The following DMD variants were observed in gnomAD, a reference collection of about 807,000 sequenced individuals.
DMD encodes the protein dystrophin, also known as mutant dystrophin.
DMD carries 63 observed loss-of-function variants against 330.1 expected under a neutral mutation model. The observed-to-expected ratio is 0.19, with a 90% CI of 0.16 to 0.24. The LOEUF is 0.24. Among genes scored for constraint, DMD ranks in the 10% least tolerant of loss-of-function variants. The probability of loss-of-function intolerance (pLI) is 1.00; values close to 1 mark genes in which losing one functional copy is unlikely to be tolerated. For synonymous variants in DMD, 1,223 were observed against 959.8 expected, an observed-to-expected ratio of 1.27 and a Z score of -5.07; for missense variants, 3,344 against 2,684.1, an observed-to-expected ratio of 1.25 and a Z score of -5.43.
At chrX:31,871,737 G>A (rs1459700152) in intron 48 of DMD, among the ~76,000 whole-genome samples, 2 of 108,903 alleles carry the variant, frequency 1.8e-5, no homozygotes, top group African/African-American at 6.7e-5. Flanking sequence ...TAAAAAAAAG[G>A]GCATGTGCTC....
intron 1 of DMD, among the ~76,000 whole-genome samples, chrX:33,088,787 TTAAC>T (rs2095045033): frequency 8.9e-6 from 1 of 112,345 alleles, no homozygotes; most frequent in Admixed American, 9.5e-5. Context: ...GGCTTGGAAA[TTAAC>T]TGTTTAATTT....
intron 59 of DMD, among the ~76,000 whole-genome samples, chrX:31,466,796 T>C (rs1055877537): frequency 1.8e-5 from 2 of 111,944 alleles, no homozygotes; most frequent in African/African-American, 6.5e-5. Flanking sequence ...TCCATGAGCA[T>C]GGAATGTTCT....
In DMD at chrX:32,232,057, TGAAATTATGCCAGATTAGCATTTCAACTA is replaced by T. The variant is rs1193078808; in HGVS notation, c.6291-15023_6291-14995del. ...AGTGGCATTAACAGAAAATTAGTTC[TGAAATTATGCCAGATTAGCATTTCAACTA>T]GAAATTATGCCAGATTAGCATTTCA... On this transcript the variant is annotated intron_variant, in intron 43 of 78. Transcript: ENST00000357033. Among the ~76,000 whole-genome samples the T allele has an allele frequency of 1.2e-4, 13 of 110,457 alleles. No individual in the cohort carries two copies. The East Asian group carries it at 2.8e-3, about 24-fold the overall frequency.
chrX:32,118,953 A>G (rs2096622975), intron 44 of DMD, among the ~76,000 whole-genome samples: 2 of 111,201 alleles, frequency 1.8e-5, no homozygotes, highest in Non-Finnish European at 3.8e-5. Context: ...GAGCTGATAG[A>G]AGGTGGAGCT....
intron 50 of DMD, among the ~76,000 whole-genome samples, chrX:31,792,644 G>A (rs1226786444): frequency 8.9e-6 from 1 of 111,961 alleles, no homozygotes; most frequent in Non-Finnish European, 1.9e-5. Context: ...CGCAACAGGG[G>A]TGCCTTATTT....
intron 53 of DMD, among the ~76,000 whole-genome samples, chrX:31,664,529 CTTT>C (rs57706460): frequency 4.7e-5 from 3 of 63,786 alleles, no homozygotes; most frequent in Non-Finnish European, 2.8e-5. Flanking sequence ...AGTGTTCAAG[CTTT>C]TTTTTTTTTT....
rs190212170 is a variant in DMD, at chrX:32,650,632, G to T, written c.961-5480C>A. 7.1e-5 allele frequency among the ~76,000 whole-genome samples: 8 copies of T among 111,956 alleles called. No homozygotes were observed. In the East Asian group the frequency reaches 1.7e-3, roughly 24 times the overall value. On this transcript the variant is annotated intron_variant, in intron 9 of 78. Coordinates refer to ENST00000357033, the MANE Select transcript of DMD (RefSeq NM_004006.3). ...AAAGCATAAAAATGATTACTGAAGT[G>T]ATTTATGAGAAATTAATCCATCATG...
At chrX:32,472,334 G>C (rs367764068) in intron 21 of DMD, 25 bp from the exon 22 acceptor site, 1 of 1,203,019 alleles carries the variant, frequency 8.3e-7, no homozygotes, top group East Asian at 3.0e-5. Context: ...AAAAAAGAAT[G>C]AGAATCACTT....
At chrX:33,137,363 T>C (rs907692662) in intron 1 of DMD, among the ~76,000 whole-genome samples, 5 of 111,633 alleles carry the variant, frequency 4.5e-5, no homozygotes, top group Non-Finnish European at 9.4e-5. Flanking sequence ...GGGGGGAGGA[T>C]AACGGGAGAA....
chrX:32,188,750 C>G (rs1446334592), intron 44 of DMD, among the ~76,000 whole-genome samples: 2 of 109,821 alleles, frequency 1.8e-5, no homozygotes, highest in Non-Finnish European at 3.8e-5. Flanking sequence ...TACACGCACA[C>G]AATTTCCTTC....
intron 60 of DMD, among the ~76,000 whole-genome samples, chrX:31,420,895 T>C (rs1481055754): frequency 8.9e-6 from 1 of 112,401 alleles, no homozygotes; most frequent in African/African-American, 3.2e-5. Flanking sequence ...AAGAGTCCTG[T>C]CTGGCTGCAG....
intron 20 of DMD, among the ~76,000 whole-genome samples, chrX:32,485,387 A>G (rs2042320318): frequency 9.0e-6 from 1 of 110,933 alleles, no homozygotes. Context: ...GAAAAATACT[A>G]TGCATGACCT....
intron 55 of DMD, among the ~76,000 whole-genome samples, chrX:31,561,466 C>A (rs918226073): frequency 4.5e-5 from 5 of 112,034 alleles, no homozygotes; most frequent in African/African-American, 1.6e-4. Context: ...CACCACCCTT[C>A]CATCCCCAGG....
chrX:32,845,550 C>T (rs780726415), intron 3 of DMD, among the ~76,000 whole-genome samples: 40 of 111,542 alleles, frequency 3.6e-4, no homozygotes, highest in Non-Finnish European at 7.0e-4. Flanking sequence ...AGCTATTGCC[C>T]AGAGAAATCT....
At chrX:33,185,621 C>G (rs760208411) in intron 1 of DMD, among the ~76,000 whole-genome samples, 1 of 111,286 alleles carries the variant, frequency 9.0e-6, no homozygotes, top group African/African-American at 3.3e-5. Context: ...AGTCCTCCCC[C>G]ACAAAAACTT....
intron 2 of DMD, among the ~76,000 whole-genome samples, chrX:32,854,430 T>G (rs1409326596): frequency 9.0e-6 from 1 of 111,243 alleles, no homozygotes; most frequent in Non-Finnish European, 1.9e-5. Flanking sequence ...TATATTCTCT[T>G]GAATGATCAG....
intron 55 of DMD, among the ~76,000 whole-genome samples, chrX:31,621,364 T>A (rs1273211549): frequency 1.8e-5 from 2 of 112,338 alleles, no homozygotes; most frequent in South Asian, 3.7e-4. Context: ...GTCCTAACTG[T>A]TGTCCCTGCA....
chrX:31,852,504 A>G (rs1337799848), intron 48 of DMD, among the ~76,000 whole-genome samples: 1 of 111,444 alleles, frequency 9.0e-6, no homozygotes, highest in Non-Finnish European at 1.9e-5. Context: ...GAGTCTGGTT[A>G]TCTAGGTTCC....
chrX:32,213,453 C>T (rs944884862), intron 44 of DMD, among the ~76,000 whole-genome samples: 1 of 111,744 alleles, frequency 8.9e-6, no homozygotes, highest in Non-Finnish European at 1.9e-5. Context: ...ACATTATGTG[C>T]GTGTATATGT....
Sources: gnomAD v4.1 joint callset for allele counts (sites outside exome capture counted in the v4.1 genomes callset) on GRCh38, gnomAD v4.1.1 for gene constraint, MANE v1.5 for transcripts, NCBI Gene and HGNC (gene_info 2026-07-23, HGNC 2026-07-21) for gene names.